RAB40C: variants seen among roughly 807,000 people sequenced by gnomAD.
RAB40C encodes ras-related protein Rab-40C.
Under a neutral mutation model 28.1 loss-of-function variants are expected in RAB40C, and 8 were observed. That is an observed-to-expected ratio of 0.28 (90% CI 0.17 to 0.51). RAB40C has a LOEUF of 0.51. Among genes scored for constraint, RAB40C ranks in the 20% least tolerant of loss-of-function variants. RAB40C has a pLI of 0.97. For synonymous variants in RAB40C, 201 were observed against 171.7 expected, an observed-to-expected ratio of 1.17 and a Z score of -1.34; for missense variants, 288 against 405.9, an observed-to-expected ratio of 0.71 and a Z score of 2.50.
chr16:614,393 T>A (rs2036544990), intron 1 of RAB40C, among the ~76,000 whole-genome samples: 2 of 100,114 alleles, frequency 2.0e-5, no homozygotes, highest in African/African-American at 4.1e-5. Flanking sequence ...GTGAACTGCC[T>A]AAACCTCGTC....
intron 1 of RAB40C, among the ~76,000 whole-genome samples, chr16:604,381 C>T (rs955660337): frequency 1.7e-4 from 26 of 152,178 alleles, no homozygotes; most frequent in South Asian, 6.2e-4. Flanking sequence ...CTAGAATACA[C>T]GTGAATCCTT....
chr16:623,886 C>T (rs770692706), intron 3 of RAB40C: 171 of 888,248 alleles, frequency 1.9e-4, no homozygotes, highest in Middle Eastern at 5.7e-4. Context: ...GAGCCATGAT[C>T]GTGCCACTGC....
chr16:611,118 G>A (rs1191806583), intron 1 of RAB40C, among the ~76,000 whole-genome samples: 1 of 152,212 alleles, frequency 6.6e-6, no homozygotes, highest in East Asian at 1.9e-4. Flanking sequence ...ACGTCCAGCG[G>A]GAGGAGCATC....
At chr16:604,480 T>C (rs1172746572) in intron 1 of RAB40C, among the ~76,000 whole-genome samples, 1 of 148,620 alleles carries the variant, frequency 6.7e-6, no homozygotes, top group Non-Finnish European at 1.5e-5. Flanking sequence ...TTCTCTAGAA[T>C]ACACGTGAGT....
At position 617,220 on chromosome 16, in the gene RAB40C, A is replaced by G; in HGVS notation, c.155A>G (p.Lys52Arg). The G allele has an allele frequency of 6.2e-7, 1 of 1,614,008 alleles. No individual in the cohort carries two copies. The highest frequency in any genetic ancestry group is 8.5e-7 in the Non-Finnish European group (1 of 1,180,016). ...PYAYSNGIDYKTTTILLDGRR... is the reference protein window; with the variant it reads ...PYAYSNGIDYRTTTILLDGRR... ...TGCTTCCTCGCAGGGATCGACTACAAGACCACCACCATCCTGCTGGACGGC... is the reference window on the plus strand; with the variant it reads ...TGCTTCCTCGCAGGGATCGACTACAGGACCACCACCATCCTGCTGGACGGC... The change falls in exon 2 of 6, where the codon AAG becomes AGG. Residue 52 changes from lysine (K) to arginine (R), a missense_variant. Transcript: ENST00000248139.
intron 4 of RAB40C, 55 bp from the exon 5 acceptor site, chr16:625,844 C>A: frequency 6.7e-7 from 1 of 1,496,210 alleles, no homozygotes; most frequent in Non-Finnish European, 9.1e-7. Context: ...CCTGCTGCGG[C>A]TGAGGGGTGG....
At chr16:623,551 G>A (rs2036766367) in intron 3 of RAB40C, among the ~76,000 whole-genome samples, 1 of 151,484 alleles carries the variant, frequency 6.6e-6, no homozygotes, top group East Asian at 1.9e-4. Context: ...CTACTCAGGA[G>A]ACTGAGGCAG....
At chr16:599,955 C>A (rs111308722) in intron 1 of RAB40C, among the ~76,000 whole-genome samples, 2 of 18,106 alleles carry the variant, frequency 1.1e-4, no homozygotes, top group Admixed American at 6.0e-4. Flanking sequence ...AGGTTTTGTT[C>A]CCTCGTGGCA....
At chr16:592,028 C>G (rs908140302) in intron 1 of RAB40C, among the ~76,000 whole-genome samples, 1 of 152,230 alleles carries the variant, frequency 6.6e-6, no homozygotes, top group African/African-American at 2.4e-5. Flanking sequence ...TGGTCCTCAT[C>G]CCCTCTCATG....
intron 1 of RAB40C, chr16:596,474 G>A (rs1429271134): frequency 1.1e-5 from 4 of 352,502 alleles, no homozygotes; most frequent in South Asian, 4.2e-5. Flanking sequence ...ACCGAGGGCC[G>A]TTCTGGGGCC....
intron 1 of RAB40C, among the ~76,000 whole-genome samples, chr16:615,840 T>C (rs1199193099): frequency 6.6e-6 from 1 of 152,074 alleles, no homozygotes; most frequent in African/African-American, 2.4e-5. Flanking sequence ...TGGGCACCTG[T>C]AATCCCAGCT....
chr16:596,233 C>A lies in RAB40C; in HGVS notation c.142+5800C>A, dbSNP rs137994755. ...CAGTGTTTCAGGAAGGAAGCCACATCGGGGAGCTGAGAGGTGGGCGGGAAG... is the reference window on the plus strand; with the variant it reads ...CAGTGTTTCAGGAAGGAAGCCACATAGGGGAGCTGAGAGGTGGGCGGGAAG... On this transcript the variant is annotated intron_variant, in intron 1 of 5. Transcript: ENST00000248139. 2.7e-3 allele frequency: 1,193 copies of A among 449,848 alleles called. 14 individuals carry two copies. The highest frequency in any genetic ancestry group is 0.022 in the African/African-American group (1,103 of 49,974). 27.9% of individuals were successfully genotyped at this position (449,848 alleles called of 1,614,324 possible). A position where few individuals can be genotyped will look rare whatever the true frequency, so the allele number is the denominator to read the frequency against.
intron 1 of RAB40C, chr16:596,224 A>T: frequency 2.2e-6 from 1 of 447,022 alleles, no homozygotes; most frequent in Admixed American, 2.4e-5. Context: ...TTCAGGAAGG[A>T]AGCCACATCG....
chr16:613,607 C>T (rs1037832212), intron 1 of RAB40C, among the ~76,000 whole-genome samples: 1 of 152,258 alleles, frequency 6.6e-6, no homozygotes, highest in African/African-American at 2.4e-5. Context: ...TGCCTTTTCA[C>T]TGCTTCTTGG....
chr16:606,615 G>A (rs1211983652), intron 1 of RAB40C, among the ~76,000 whole-genome samples: 1 of 152,256 alleles, frequency 6.6e-6, no homozygotes. Context: ...TCGTTGGGAG[G>A]TTGGCAGAAT....
intron 3 of RAB40C, among the ~76,000 whole-genome samples, chr16:619,118 C>G (rs1363666579): frequency 2.5e-4 from 37 of 145,780 alleles, no homozygotes; most frequent in Admixed American, 2.7e-4. Context: ...GGCGGGGGCA[C>G]TGGGGCCATG....
chr16:590,589 G>T (rs1240154131), intron 1 of RAB40C, among the ~76,000 whole-genome samples, 156 bp downstream of exon 1: 3 of 152,176 alleles, frequency 2.0e-5, no homozygotes, highest in Non-Finnish European at 4.4e-5. Flanking sequence ...GTGGCTGCGG[G>T]GTGCCCGTGC....
chr16:617,326 A>G (rs1349554926), intron 2 of RAB40C, 58 bp downstream of exon 2: 13 of 1,591,662 alleles, frequency 8.2e-6, no homozygotes, highest in Non-Finnish European at 9.5e-6. Context: ...CCGAAGGGAG[A>G]ACAGAACCCT....
At chr16:615,769 T>G (rs1471215542) in intron 1 of RAB40C, among the ~76,000 whole-genome samples, 2 of 152,098 alleles carry the variant, frequency 1.3e-5, no homozygotes, top group African/African-American at 4.8e-5. Context: ...TGTGACCAGC[T>G]TAGCCAACGT....
Sources: allele counts gnomAD v4.1 joint callset (sites outside exome capture counted in the v4.1 genomes callset), GRCh38; gene constraint gnomAD v4.1.1; transcripts MANE v1.5; gene names NCBI Gene and HGNC (gene_info 2026-07-23, HGNC 2026-07-21).